Variants in PDE4D observed in about 807,000 individuals in gnomAD.
PDE4D encodes 3',5'-cyclic-AMP phosphodiesterase 4D.
PDE4D carries 24 observed loss-of-function variants against 87.4 expected under a neutral mutation model. The ratio of observed to expected loss-of-function variants is 0.27; its 90% confidence interval spans 0.20 to 0.39. The LOEUF (loss-of-function observed/expected upper bound fraction) is 0.39. Among genes scored for constraint, PDE4D ranks in the 10% least tolerant of loss-of-function variants. The pLI, the probability that PDE4D is intolerant of heterozygous loss-of-function variation, is 1.00. For missense variants in PDE4D, 714 were observed against 1,041.0 expected, an observed-to-expected ratio of 0.69 and a Z score of 4.32; for synonymous variants, 384 against 383.2, an observed-to-expected ratio of 1.00 and a Z score of -0.02.
chr5:59,805,510 T>C (rs1486850555), intron 1 of PDE4D, among the ~76,000 whole-genome samples: 2 of 152,230 alleles, frequency 1.3e-5, no homozygotes, highest in Non-Finnish European at 2.9e-5. Flanking sequence ...CCTGCATTTA[T>C]GTATGTTTTG....
chr5:60,363,421 G>T, intron 1 of PDE4D, among the ~76,000 whole-genome samples: 1 of 152,096 alleles, frequency 6.6e-6, no homozygotes, highest in Non-Finnish European at 1.5e-5. Flanking sequence ...GAGTCAAACA[G>T]ATTACAAGTA....
intron 1 of PDE4D, among the ~76,000 whole-genome samples, chr5:59,290,206 G>C (rs1161463663): frequency 1.3e-5 from 2 of 151,762 alleles, no homozygotes; most frequent in Non-Finnish European, 2.9e-5. Flanking sequence ...ACTCAAAATA[G>C]CCAAAGGTAT....
intron 1 of PDE4D, among the ~76,000 whole-genome samples, chr5:60,406,131 T>C (rs533761968): frequency 1.3e-4 from 19 of 151,900 alleles, no homozygotes; most frequent in Non-Finnish European, 2.6e-4. Flanking sequence ...AAAACAACAA[T>C]AAGACAAAAT....
intron 1 of PDE4D, among the ~76,000 whole-genome samples, chr5:60,189,709 T>C (rs951312409): frequency 2.0e-5 from 3 of 152,236 alleles, no homozygotes; most frequent in African/African-American, 2.4e-5. Flanking sequence ...CTAATACTTT[T>C]TTCTTCTACA....
chr5:59,289,122 A>G (rs1321998484), intron 1 of PDE4D, among the ~76,000 whole-genome samples: 1 of 152,138 alleles, frequency 6.6e-6, no homozygotes, highest in African/African-American at 2.4e-5. Flanking sequence ...CTGATCAAAA[A>G]TAATAACTAC....
intron 1 of PDE4D, among the ~76,000 whole-genome samples, chr5:59,378,853 A>G (rs991580168): frequency 2.0e-5 from 3 of 152,174 alleles, no homozygotes; most frequent in African/African-American, 7.2e-5. Flanking sequence ...AGCATCCTTC[A>G]GACCCCTGCT....
intron 6 of PDE4D, among the ~76,000 whole-genome samples, chr5:59,008,488 G>C (rs531319871): frequency 6.6e-6 from 1 of 152,068 alleles, no homozygotes; most frequent in South Asian, 2.1e-4. Flanking sequence ...CTATAAAAGA[G>C]AAATGATATT....
chr5:59,029,572 T>C (rs1259095488), intron 6 of PDE4D, among the ~76,000 whole-genome samples: 1 of 152,040 alleles, frequency 6.6e-6, no homozygotes, highest in Non-Finnish European at 1.5e-5. Flanking sequence ...ATTAGTAATG[T>C]TAAAATGTCC....
At chr5:59,389,394 A>G (rs1440950456) in intron 1 of PDE4D, among the ~76,000 whole-genome samples, 1 of 151,810 alleles carries the variant, frequency 6.6e-6, no homozygotes, top group East Asian at 1.9e-4. Flanking sequence ...AAATTTTAAT[A>G]TATATTTTCA....
chr5:59,146,631 T>C (rs181533858), intron 5 of PDE4D, among the ~76,000 whole-genome samples: 29 of 152,256 alleles, frequency 1.9e-4, no homozygotes, highest in African/African-American at 6.5e-4. Context: ...GATACTTTTA[T>C]TTTCAAATTG....
intron 1 of PDE4D, among the ~76,000 whole-genome samples, chr5:60,517,374 A>T (rs1750848248): frequency 6.6e-6 from 1 of 152,182 alleles, no homozygotes; most frequent in Admixed American, 6.5e-5. Flanking sequence ...GTGAAGCCCC[A>T]CCGTTAGGCC....
rs552664017 is a variant in PDE4D, at chr5:59,175,724, C to T, written c.808+4871G>A. Among the ~76,000 whole-genome samples the T allele has an allele frequency of 6.6e-5, 10 of 151,164 alleles. No individual in the cohort carries two copies. In the South Asian group the frequency reaches 1.3e-3, roughly 19 times the overall value. On this transcript the variant is annotated intron_variant, in intron 5 of 14. Transcript: ENST00000340635. The stretch of plus-strand genomic sequence containing the variant: ...TGAACTCCTGACCTGGTGATCCACC[C>T]GCCTTGGCCTCCCAAAGTGCTGGGA...
At position 59,016,469 on chromosome 5, in the gene PDE4D, T is replaced by A. The variant is rs559339886; in HGVS notation, c.921+22390A>T. On this transcript the variant is annotated intron_variant, in intron 6 of 14. Coordinates refer to ENST00000340635, the MANE Select transcript of PDE4D (RefSeq NM_001104631.2). ...TCAGTATCGTGCCCCTTACCCCAAT[T>A]CTAATATGACAGGTTTTTGTCTAAG... 1.6e-3 allele frequency among the ~76,000 whole-genome samples: 245 copies of A among 150,046 alleles called. 1 individual carries two copies. The highest frequency in any genetic ancestry group is 5.5e-3 in the African/African-American group (224 of 40,852).
At chr5:59,482,965 G>C (rs925425227) in intron 1 of PDE4D, among the ~76,000 whole-genome samples, 2 of 152,134 alleles carry the variant, frequency 1.3e-5, no homozygotes, top group African/African-American at 4.8e-5. Flanking sequence ...TGAACTGGTA[G>C]ACTGAGGAAA....
chr5:60,059,812 T>A (rs1771196300), intron 2 of PDE4D, among the ~76,000 whole-genome samples: 1 of 151,966 alleles, frequency 6.6e-6, no homozygotes, highest in Admixed American at 6.6e-5. Flanking sequence ...TCTTTATAAC[T>A]TCACTAAAAT....
chr5:60,058,770 G>C (rs903039896), intron 2 of PDE4D, among the ~76,000 whole-genome samples: 1 of 151,790 alleles, frequency 6.6e-6, no homozygotes, highest in Non-Finnish European at 1.5e-5. Flanking sequence ...ATAACATTTT[G>C]AGAAAAAATT....
rs911001739 is a variant in PDE4D, at chr5:59,961,836, G to C, written c.272+26652C>G. On this transcript the variant is annotated intron_variant, in intron 3 of 16. Transcript: ENST00000502484. Reference sequence around the variant, plus strand: ...AGATGATAAAAGCCAAAGCTGCAGGGCTCTCTGCTTGCATAAGTACCTGCC... The same window carrying C: ...AGATGATAAAAGCCAAAGCTGCAGGCCTCTCTGCTTGCATAAGTACCTGCC... Among the ~76,000 whole-genome samples the C allele has an allele frequency of 3.9e-5, 6 of 152,144 alleles. No homozygotes were observed. The South Asian group carries it at 1.2e-3, about 32-fold the overall frequency.
At chr5:59,048,342 A>T (rs192564910) in intron 5 of PDE4D, among the ~76,000 whole-genome samples, 3 of 152,328 alleles carry the variant, frequency 2.0e-5, no homozygotes, top group African/African-American at 7.2e-5. Context: ...TCCATCATAT[A>T]CTATCAATCT....
chr5:59,704,722 T>C (rs1240614020), intron 1 of PDE4D, among the ~76,000 whole-genome samples: 2 of 152,178 alleles, frequency 1.3e-5, no homozygotes, highest in Non-Finnish European at 2.9e-5. Flanking sequence ...TACATCGAGA[T>C]TGTGTGGTGT....
Sources: allele counts gnomAD v4.1 joint callset (sites outside exome capture counted in the v4.1 genomes callset), GRCh38; gene constraint gnomAD v4.1.1; transcripts MANE v1.5; gene names NCBI Gene and HGNC (gene_info 2026-07-23, HGNC 2026-07-21).